Variants in TFCP2 observed in about 807,000 individuals in gnomAD.
TFCP2 encodes the protein transcription factor CP2, also known as alpha-globin transcription factor CP2.
In TFCP2, 33 loss-of-function variants were observed where a neutral mutation model predicts 73.4. That is an observed-to-expected ratio of 0.45 (90% confidence interval 0.34 to 0.60). The LOEUF is 0.60. Among genes scored for constraint, TFCP2 ranks in the 20% least tolerant of loss-of-function variants. The pLI is 0.01. For synonymous variants in TFCP2, 193 were observed against 211.6 expected (o/e 0.91, Z 0.76); for missense variants, 352 against 604.0 (o/e 0.58, Z 4.37).
chr12:51,172,173 G>A (rs553623817), intron 1 of TFCP2, 128 bp downstream of exon 1: 15 of 1,322,822 alleles, frequency 1.1e-5, no homozygotes, highest in Admixed American at 2.3e-5. Context: ...AAAAGAACAA[G>A]TCCCTTTTCC....
At chr12:51,153,495 A>G (rs1368296423) in intron 1 of TFCP2, among the ~76,000 whole-genome samples, 1 of 152,012 alleles carries the variant, frequency 6.6e-6, no homozygotes, top group Non-Finnish European at 1.5e-5. Flanking sequence ...AAGTACGTTC[A>G]CCACTATCCA....
In TFCP2 at chr12:51,095,174, C is replaced by T. The variant is rs1412835864; in HGVS notation, c.*67G>A. ...AGACCTTCAAATCTCCATTCATATCCCCCTTCAAGAGGGCCGTTTTCAGAG... is the reference window on the plus strand; with the variant it reads ...AGACCTTCAAATCTCCATTCATATCTCCCTTCAAGAGGGCCGTTTTCAGAG... On this transcript the variant is annotated 3_prime_UTR_variant, in exon 15 of 15. Transcript: ENST00000257915. The T allele has an allele frequency of 6.5e-7, 1 of 1,527,804 alleles. No individual in the cohort carries two copies. Among genetic ancestry groups the T allele is most frequent in the African/African-American group, 1.4e-5 (1 of 73,006 alleles). The allele number at this position is 1,527,804 out of a possible 1,614,324, so 94.6% of individuals were successfully genotyped here. A position where few individuals can be genotyped will look rare whatever the true frequency, so the allele number is the denominator to read the frequency against.
At chr12:51,109,348 A>G (rs1940337175) in intron 5 of TFCP2, 75 bp from the exon 6 acceptor site, 9 of 1,516,640 alleles carry the variant, frequency 5.9e-6, no homozygotes, top group Non-Finnish European at 8.2e-6. Flanking sequence ...TTTAGCAACT[A>G]TTAACAGCAA....
chr12:51,118,539 C>T (rs185650195), intron 2 of TFCP2, 82 bp downstream of exon 2: 48 of 1,520,652 alleles, frequency 3.2e-5, no homozygotes, highest in Middle Eastern at 1.8e-4. Context: ...TGGGTGACGC[C>T]GTCTCAAAAC....
At chr12:51,157,220 C>T (rs1056673230) in intron 1 of TFCP2, among the ~76,000 whole-genome samples, 1 of 152,054 alleles carries the variant, frequency 6.6e-6, no homozygotes, top group African/African-American at 2.4e-5. Context: ...CGGGGTTTCA[C>T]TATGTTGGCC....
At chr12:51,145,149 C>T (rs562953673) in intron 1 of TFCP2, among the ~76,000 whole-genome samples, 13 of 143,662 alleles carry the variant, frequency 9.0e-5, no homozygotes, top group Admixed American at 3.6e-4. Context: ...TGCAGTGAGC[C>T]GAGATCACAT....
chr12:51,124,098 C>CTT (rs11454676), intron 1 of TFCP2, among the ~76,000 whole-genome samples: 70 of 150,024 alleles, frequency 4.7e-4, no homozygotes, highest in East Asian at 1.4e-3. Context: ...AGCTACTTTT[C>CTT]TTTTTTTTTT....
chr12:51,166,563 T>A (rs549229230), intron 1 of TFCP2, among the ~76,000 whole-genome samples: 1 of 152,228 alleles, frequency 6.6e-6, no homozygotes, highest in South Asian at 2.1e-4. Flanking sequence ...AGTGACCTTT[T>A]CATGTCAGAG....
intron 1 of TFCP2, among the ~76,000 whole-genome samples, chr12:51,135,923 T>C (rs1941050784): frequency 6.6e-6 from 1 of 152,174 alleles, no homozygotes; most frequent in Non-Finnish European, 1.5e-5. Flanking sequence ...AACCTTTTTT[T>C]CTTTTTTGAA....
chr12:51,113,541 AAAAAGTCT>A (rs1940449805), intron 4 of TFCP2, among the ~76,000 whole-genome samples: 1 of 152,174 alleles, frequency 6.6e-6, no homozygotes, highest in Non-Finnish European at 1.5e-5. Context: ...ATGCTGGGGA[AAAAAGTCT>A]GCCCCTCTTT....
At chr12:51,154,019 A>G (rs1328734725) in intron 1 of TFCP2, among the ~76,000 whole-genome samples, 1 of 140,304 alleles carries the variant, frequency 7.1e-6, no homozygotes, top group Non-Finnish European at 1.5e-5. Flanking sequence ...CAATTCCTCT[A>G]CATTCTTGCC....
In TFCP2 at chr12:51,095,220, T is replaced by C; in HGVS notation, c.*21A>G. On this transcript the variant is annotated 3_prime_UTR_variant, in exon 15 of 15. Transcript: ENST00000257915. Reference sequence around the variant, plus strand: ...CAGAGGTGAAGGAAGGAGCAGCCACTGGGCACGAAACGCCGCACTCCTACT... The same window carrying C: ...CAGAGGTGAAGGAAGGAGCAGCCACCGGGCACGAAACGCCGCACTCCTACT... 2 of 1,613,818 alleles carry C rather than the reference T, an allele frequency of 1.2e-6. No homozygotes were observed. The highest frequency in any genetic ancestry group is 1.7e-6 in the Non-Finnish European group (2 of 1,179,810).
At chr12:51,170,676 T>C (rs12310717) in intron 1 of TFCP2, among the ~76,000 whole-genome samples, 7,688 of 151,836 alleles carry the variant, frequency 0.051, 603 homozygotes, top group African/African-American at 0.18. Context: ...AGTATTAAAT[T>C]CTCTCCCCCT....
At chr12:51,165,200 A>G (rs1193803817) in intron 1 of TFCP2, among the ~76,000 whole-genome samples, 1 of 152,150 alleles carries the variant, frequency 6.6e-6, no homozygotes, top group Admixed American at 6.6e-5. Flanking sequence ...TAAAAAAAAG[A>G]CATGATAAGA....
chr12:51,098,130 T>C (rs113930512), intron 13 of TFCP2, among the ~76,000 whole-genome samples: 3 of 152,146 alleles, frequency 2.0e-5, no homozygotes, highest in African/African-American at 4.8e-5. Context: ...AGCACAATCA[T>C]GTATTTTTTT....
intron 1 of TFCP2, among the ~76,000 whole-genome samples, chr12:51,151,591 C>T (rs933437426): frequency 2.6e-5 from 4 of 152,146 alleles, no homozygotes; most frequent in Non-Finnish European, 4.4e-5. Context: ...CGCCCGCCAC[C>T]ACGCCCGGCT....
At chr12:51,100,284 A>C (rs1940078412) in intron 11 of TFCP2, among the ~76,000 whole-genome samples, 1 of 152,174 alleles carries the variant, frequency 6.6e-6, no homozygotes, top group South Asian at 2.1e-4. Flanking sequence ...AAACTAGATC[A>C]TCTTATTTCT....
chr12:51,144,235 T>C (rs538410838), intron 1 of TFCP2, among the ~76,000 whole-genome samples: 6 of 152,244 alleles, frequency 3.9e-5, no homozygotes, highest in South Asian at 2.1e-4. Context: ...GGTCTGTTTA[T>C]GTTGCCTAGC....
chr12:51,161,412 G>C (rs1304699054), intron 1 of TFCP2, among the ~76,000 whole-genome samples: 2 of 152,134 alleles, frequency 1.3e-5, no homozygotes, highest in African/African-American at 4.8e-5. Context: ...TGGGCACAGT[G>C]GCTCACGCCT....
Sources: allele counts gnomAD v4.1 joint callset (sites outside exome capture counted in the v4.1 genomes callset), GRCh38; gene constraint gnomAD v4.1.1; transcripts MANE v1.5; gene names NCBI Gene and HGNC (gene_info 2026-07-23, HGNC 2026-07-21).